KATNAL2: variants seen among roughly 807,000 people sequenced by gnomAD.
The protein encoded by KATNAL2 is katanin p60 ATPase-containing subunit A-like 2.
KATNAL2 carries 52 observed loss-of-function variants against 76.3 expected under a neutral mutation model. That is an observed-to-expected ratio of 0.68 (90% CI 0.55 to 0.86). The LOEUF (loss-of-function observed/expected upper bound fraction) is 0.86, where lower values mean the gene tolerates loss of function less well. Ranked by LOEUF, KATNAL2 falls within the 40% of genes least tolerant of loss-of-function variation. KATNAL2 has a pLI of 0.00. For synonymous variants in KATNAL2, 243 were observed against 244.2 expected (o/e 1.00, Z 0.05); for missense variants, 660 against 668.9 (o/e 0.99, Z 0.15).
At chr18:46,927,223 T>G (rs556035988) in intron 1 of KATNAL2, among the ~76,000 whole-genome samples, 3 of 152,168 alleles carry the variant, frequency 2.0e-5, no homozygotes, top group Non-Finnish European at 4.4e-5. Context: ...TGGCTGGTAC[T>G]GGTTGTTCCT....
intron 3 of KATNAL2, among the ~76,000 whole-genome samples, chr18:46,959,868 C>A (rs2059883805): frequency 6.6e-6 from 1 of 152,180 alleles, no homozygotes; most frequent in Non-Finnish European, 1.5e-5. Flanking sequence ...AGCCACCACG[C>A]CTGGCCAGGT....
At chr18:47,082,918 C>T (rs1157021276) in intron 15 of KATNAL2, among the ~76,000 whole-genome samples, 6 of 152,172 alleles carry the variant, frequency 3.9e-5, no homozygotes, top group African/African-American at 1.4e-4. Flanking sequence ...GCTTTCATTA[C>T]TTAACATGAC....
At chr18:47,084,680 C>T (rs1178540541) in intron 15 of KATNAL2, among the ~76,000 whole-genome samples, 1 of 151,560 alleles carries the variant, frequency 6.6e-6, no homozygotes, top group Non-Finnish European at 1.5e-5. Context: ...GAAACTCTAT[C>T]TCTACTAAAA....
intron 3 of KATNAL2, among the ~76,000 whole-genome samples, chr18:46,958,604 A>G (rs2059835672): frequency 6.6e-6 from 1 of 152,202 alleles, no homozygotes; most frequent in Non-Finnish European, 1.5e-5. Context: ...GGTAGCAAAG[A>G]TATGAAATAG....
intron 3 of KATNAL2, among the ~76,000 whole-genome samples, chr18:47,043,805 G>A (rs2061055182): frequency 7.3e-6 from 1 of 136,102 alleles, no homozygotes; most frequent in African/African-American, 2.7e-5. Flanking sequence ...ATAAAAATGG[G>A]GTGGTTATTC....
intron 15 of KATNAL2, among the ~76,000 whole-genome samples, chr18:47,083,368 C>G (rs2571012): frequency 1 from 152,306 of 152,382 alleles, 76,115 homozygotes; most frequent in Middle Eastern, 1. Flanking sequence ...ACCAAGTGAT[C>G]TAAAGACCCA....
intron 3 of KATNAL2, among the ~76,000 whole-genome samples, chr18:46,951,558 C>T (rs2059556972): frequency 6.6e-6 from 1 of 151,620 alleles, no homozygotes; most frequent in African/African-American, 2.4e-5. Context: ...AGAAATCCTG[C>T]TTCCTGGGCT....
chr18:47,043,661 G>A (rs1234307292), intron 3 of KATNAL2, among the ~76,000 whole-genome samples: 1 of 152,180 alleles, frequency 6.6e-6, no homozygotes, highest in East Asian at 1.9e-4. Context: ...CGGGAGGATA[G>A]AGGCTCCAAG....
chr18:47,046,653 G>A (rs1370806684), intron 4 of KATNAL2, 126 bp downstream of exon 4: 11 of 726,616 alleles, frequency 1.5e-5, no homozygotes, highest in South Asian at 3.7e-5. Flanking sequence ...CAGAAAAATC[G>A]AGCAGAAAGT....
Position 47,069,571 on chromosome 18 carries a change from T to G in KATNAL2, c.979T>G (p.Trp327Gly). Residue 327 changes from tryptophan to glycine, a missense_variant, in exon 13 of 18, where the codon TGG (tryptophan) becomes GGG (glycine). Physicochemically the swap from Trp to Gly is radical, Grantham distance 184. Coordinates refer to ENST00000683218, the MANE Select transcript of KATNAL2 (RefSeq NM_001387690.1). ...TTCTGCATCCACCATTGTCAGCAAA[T>G]GGAGAGGGGATTCAGAAAAACTCGT... ...NISASTIVSK[W>G]RGDSEKLVRV... is the part of the protein sequence containing the mutation. 1.2e-6 allele frequency: 2 copies of G among 1,613,334 alleles called. No homozygotes were observed. The highest frequency in any genetic ancestry group is 1.7e-6 in the Non-Finnish European group (2 of 1,179,640).
intron 1 of KATNAL2, among the ~76,000 whole-genome samples, chr18:46,925,204 T>C (rs975065285): frequency 6.6e-6 from 1 of 152,220 alleles, no homozygotes; most frequent in Non-Finnish European, 1.5e-5. Flanking sequence ...TTCAGTATGA[T>C]ATTGGCTGTG....
chr18:46,919,076 T>C (rs935165461), intron 1 of KATNAL2, among the ~76,000 whole-genome samples: 1 of 151,448 alleles, frequency 6.6e-6, no homozygotes. Flanking sequence ...TTTGGCCAGG[T>C]GCAGTGGCTC....
chr18:47,032,543 A>G (rs1599561500), intron 3 of KATNAL2: 1 of 209,778 alleles, frequency 4.8e-6, no homozygotes, highest in East Asian at 1.3e-4. Context: ...GATCATGCTC[A>G]GCCTTTTATT....
intron 9 of KATNAL2, 51 bp from the exon 10 acceptor site, chr18:47,063,233 C>A (rs2061689972): frequency 6.3e-7 from 1 of 1,584,098 alleles, no homozygotes; most frequent in African/African-American, 1.3e-5. Flanking sequence ...GGGTTTCTTC[C>A]TAAATTATGA....
At chr18:47,057,847 C>A (rs2061514868) in intron 6 of KATNAL2, among the ~76,000 whole-genome samples, 1 of 152,174 alleles carries the variant, frequency 6.6e-6, no homozygotes, top group South Asian at 2.1e-4. Context: ...GGGAGGACTC[C>A]TTTCTCTCTC....
At position 47,102,126 on chromosome 18, in the gene KATNAL2, C is replaced by T. The variant is rs949543252; in HGVS notation, c.*1121C>T. On this transcript the variant is annotated 3_prime_UTR_variant, in exon 18 of 18. Coordinates refer to ENST00000683218, the MANE Select transcript of KATNAL2 (RefSeq NM_001387690.1). ...TTAAACAAAACCAAAGCATTTTTTT[C>T]GGTATCGATTATTTTGAGATTATTC... 5 of 152,194 alleles carry T rather than the reference C, an allele frequency of 3.3e-5. No individual in the cohort carries two copies. Among genetic ancestry groups the T allele is most frequent in the South Asian group, 4.1e-4 (2 of 4,826 alleles). The allele number at this position is 152,194 out of a possible 1,614,324, so 9.4% of individuals were successfully genotyped here.
chr18:46,931,920 C>CTT (rs869157451), intron 1 of KATNAL2, among the ~76,000 whole-genome samples: 2 of 144,506 alleles, frequency 1.4e-5, no homozygotes, highest in African/African-American at 5.1e-5. Context: ...CTTTTCTTTT[C>CTT]TTTTTTTTTT....
intron 1 of KATNAL2, among the ~76,000 whole-genome samples, chr18:46,921,219 C>A (rs572878570): frequency 2.0e-5 from 3 of 152,218 alleles, no homozygotes; most frequent in East Asian, 1.9e-4. Context: ...CCTCTGCCCC[C>A]CCGAATTTAA....
chr18:46,957,467 G>A (rs779671353), intron 3 of KATNAL2, among the ~76,000 whole-genome samples: 1 of 151,466 alleles, frequency 6.6e-6, no homozygotes, highest in African/African-American at 2.4e-5. Flanking sequence ...TGTTAGCCAG[G>A]ACGGTCTCCA....
Sources: gnomAD v4.1 joint callset for allele counts (sites outside exome capture counted in the v4.1 genomes callset) on GRCh38, gnomAD v4.1.1 for gene constraint, MANE v1.5 for transcripts, NCBI Gene and HGNC (gene_info 2026-07-23, HGNC 2026-07-21) for gene names.